The following ZNFX1 variants were observed in gnomAD, a reference collection of about 807,000 sequenced individuals.
The protein encoded by ZNFX1 is zinc finger NFX1-type containing 1.
A neutral mutation model predicts 179.8 loss-of-function variants in ZNFX1; 78 were observed. That is an observed-to-expected ratio of 0.43 (90% CI 0.36 to 0.52). ZNFX1 has a LOEUF of 0.52. ZNFX1 is among the 20% of genes least tolerant of loss of function. The pLI, the probability that ZNFX1 is intolerant of heterozygous loss-of-function variation, is 0.00. For synonymous variants in ZNFX1, 848 were observed against 868.5 expected (o/e 0.98, Z 0.42); for missense variants, 1,927 against 2,386.6 (o/e 0.81, Z 4.01).
In ZNFX1 at chr20:49,260,643, C is replaced by T. The variant is rs559304043; in HGVS notation, c.2302-66G>A. The T allele has an allele frequency of 1.1e-4, 138 of 1,200,862 alleles. No homozygotes were observed. In the African/African-American group the frequency reaches 2.1e-3, roughly 18 times the overall value. The allele number at this position is 1,200,862 out of a possible 1,614,324, so 74.4% of individuals were successfully genotyped here. A position where few individuals can be genotyped will look rare whatever the true frequency, so the allele number is the denominator to read the frequency against. On this transcript the variant is annotated intron_variant, in intron 6 of 13. Coordinates refer to ENST00000396105, the MANE Select transcript of ZNFX1 (RefSeq NM_021035.3). The stretch of plus-strand genomic sequence containing the variant: ...AACCAATGTGAAGGCTGGGTCTCCT[C>T]AAAGAATCAAAAGCAGATTGGGGCA...
rs758777344 is a variant in ZNFX1 at position 49,253,674 on chromosome 20, G to A, written c.3097C>T (p.His1033Tyr). 1 of 1,614,078 alleles carries A rather than the reference G, an allele frequency of 6.2e-7. No homozygotes were observed. Among genetic ancestry groups the A allele is most frequent in the Non-Finnish European group, 8.5e-7 (1 of 1,180,024 alleles). Residue 1033 changes from histidine to tyrosine, a missense_variant, in exon 11 of 14, where the codon CAC becomes TAC. Physicochemically the swap from His to Tyr is moderately conservative, Grantham distance 83. Transcript: ENST00000396105. The part of the protein sequence containing the change: ...ACQHLILIGD[H>Y]QQLRPSANVY... ...GGGGACTCTCGTTTTACCTGCTGGT[G>A]GTCCCCAATCAAAATGAGGTGCTGG...
intron 8 of ZNFX1, 48 bp downstream of exon 8, chr20:49,257,369 C>A (rs183545529): frequency 1.9e-6 from 3 of 1,602,008 alleles, no homozygotes; most frequent in African/African-American, 2.7e-5. Context: ...GGAAAACAAG[C>A]GGTCAGAACA....
Position 49,270,529 on chromosome 20 carries a change from T to C in ZNFX1, c.1283A>G (p.Tyr428Cys). The C allele has an allele frequency of 6.2e-7, 1 of 1,614,266 alleles. No homozygotes were observed. The highest frequency in any genetic ancestry group is 8.5e-7 in the Non-Finnish European group (1 of 1,180,048). ...TGGTTTTGTGTCAAACTGCACCTTG[T>C]AGACTATGCCTGATGATGAACACAT... is the stretch of plus-strand genomic sequence containing the variant. Reference protein sequence around the residue: ...TPMCSSSGIVYKVQFDTKPLK... With the variant: ...TPMCSSSGIVCKVQFDTKPLK... Residue 428 changes from tyrosine to cysteine, a missense_variant, in exon 3 of 14, where the codon TAC (tyrosine) becomes TGC (cysteine). Tyr to Cys is a radical substitution (Grantham distance 194, BLOSUM62 -2). Transcript: ENST00000396105. The surrounding 1 kb of genome is among the most constrained non-coding windows in gnomAD (Gnocchi z 4.6).
intron 12 of ZNFX1, 38 bp from the exon 13 acceptor site, chr20:49,251,660 G>A (rs771220773): frequency 6.5e-7 from 1 of 1,531,782 alleles, no homozygotes; most frequent in Non-Finnish European, 8.9e-7. Context: ...AACATGGGCA[G>A]AGCACACACG....
chr20:49,247,303 G>T lies in ZNFX1; in HGVS notation c.5721C>A (p.Asn1907Lys). ...QHAAWSDTAN[N>K]LMNFEEIQGM... ...CCTGGATCTCCTCAAAGTTCATCAG[G>T]TTGTTGGCCGTGTCAGACCAGGCAG... is the stretch of plus-strand genomic sequence containing the variant. Residue 1907 changes from asparagine to lysine, a missense_variant, in exon 14 of 14, where the codon AAC (asparagine) becomes AAA (lysine). Asn to Lys is a moderately conservative substitution (Grantham distance 94). Transcript: ENST00000396105. 6.2e-7 allele frequency: 1 copy of T among 1,613,202 alleles called. No homozygotes were observed. The highest frequency in any genetic ancestry group is 8.5e-7 in the Non-Finnish European group (1 of 1,179,416).
At chr20:49,258,757 G>C (rs1005727683) in intron 7 of ZNFX1, among the ~76,000 whole-genome samples, 20 of 151,820 alleles carry the variant, frequency 1.3e-4, no homozygotes, top group Non-Finnish European at 1.5e-5. Context: ...AGTGAGCCGA[G>C]ATCGTGCCAT....
rs1300895737 is a variant in ZNFX1 at position 49,247,004 on chromosome 20, G to A, written c.*263C>T. 2 of 447,608 alleles carry A rather than the reference G, an allele frequency of 4.5e-6. No individual in the cohort carries two copies. Among genetic ancestry groups the A allele is most frequent in the African/African-American group, 4.0e-5 (2 of 49,794 alleles). 27.7% of individuals were successfully genotyped at this position (447,608 alleles called of 1,614,324 possible). Reference sequence around the variant, plus strand: ...CTGCCTCAGCCTCCCAAGTAGCTGGGATTACAGGCGCCCGCCATAACGCCC... The same window carrying A: ...CTGCCTCAGCCTCCCAAGTAGCTGGAATTACAGGCGCCCGCCATAACGCCC... On this transcript the variant is annotated 3_prime_UTR_variant, in exon 14 of 14. Coordinates refer to ENST00000396105, the MANE Select transcript of ZNFX1 (RefSeq NM_021035.3).
Position 49,249,253 on chromosome 20 carries a change from G to T in ZNFX1, c.3771C>A (p.Gly1257=), listed in dbSNP as rs761760974. Residue 1257 remains glycine, a synonymous_variant, in exon 14 of 14, where the codon GGC becomes GGA. Transcript: ENST00000396105. ...TCTGGCAGCAGAGCCGGAGCATGGG[G>T]CCTATTTGATTGTTCTCTCGAAGTG... ...IHTLRENNQI[G]PMLRLCCQNH... is the part of the protein sequence containing the mutation. 15 of 1,614,110 alleles carry T rather than the reference G, an allele frequency of 9.3e-6. No homozygotes were observed. In the East Asian group the frequency reaches 3.3e-4, roughly 36 times the overall value.
intron 7 of ZNFX1, among the ~76,000 whole-genome samples, chr20:49,259,753 T>C (rs909683614): frequency 1.3e-5 from 2 of 152,204 alleles, no homozygotes; most frequent in African/African-American, 2.4e-5. Context: ...ATTCAGCATG[T>C]TTTTGAGATT....
chr20:49,268,229 A>G, intron 3 of ZNFX1, among the ~76,000 whole-genome samples: 1 of 152,162 alleles, frequency 6.6e-6, no homozygotes, highest in Non-Finnish European at 1.5e-5. Flanking sequence ...TGAGGATGCA[A>G]TTAGTTAAGG....
intron 3 of ZNFX1, among the ~76,000 whole-genome samples, chr20:49,267,823 T>G: frequency 6.6e-6 from 1 of 152,144 alleles, no homozygotes; most frequent in East Asian, 1.9e-4. Flanking sequence ...TTCCCACCTC[T>G]TAAGAGGTTA....
At position 49,270,917 on chromosome 20, in the gene ZNFX1, G is replaced by C. The variant is rs369481150; in HGVS notation, c.895C>G (p.Gln299Glu). ...TCCTGCAGATGTTCAATGATAGTCT[G>C]TACCTTTTCCAGGTTCTTCTCCGTT... ...EETEKNLEKV[Q>E]TIIEHLQEKR... The change falls in exon 3 of 14, where the codon CAG becomes GAG. Residue 299 changes from glutamine to glutamate, a missense_variant. Coordinates refer to ENST00000396105, the MANE Select transcript of ZNFX1 (RefSeq NM_021035.3). This position sits in a 1 kb window ranked among gnomAD's most constrained non-coding sequence, Gnocchi z 4.6. The C allele has an allele frequency of 6.2e-6, 10 of 1,614,006 alleles. No homozygotes were observed. In the African/African-American group the frequency reaches 6.7e-5, roughly 11 times the overall value.
In ZNFX1 at chr20:49,250,084, G is replaced by A. The variant is rs546838260; in HGVS notation, c.3313-373C>T. Reference sequence around the variant, plus strand: ...AGCCTGGCCCACATGGTGAAACCCCGTCTCTACTAAAAATACAAAAATTAG... The same window carrying A: ...AGCCTGGCCCACATGGTGAAACCCCATCTCTACTAAAAATACAAAAATTAG... On this transcript the variant is annotated intron_variant, in intron 13 of 13. Transcript: ENST00000396105. Among the ~76,000 whole-genome samples the A allele has an allele frequency of 1.4e-4, 22 of 152,182 alleles. No individual in the cohort carries two copies. In the South Asian group the frequency reaches 3.3e-3, roughly 23 times the overall value.
In ZNFX1 at chr20:49,272,569, T is replaced by C. The variant is rs370314837; in HGVS notation, c.62-819A>G. 1.2e-4 allele frequency among the ~76,000 whole-genome samples: 18 copies of C among 152,348 alleles called. 1 individual carries two copies. The highest frequency in any genetic ancestry group is 9.6e-4 in the East Asian group (5 of 5,182). On this transcript the variant is annotated intron_variant, in intron 2 of 13. Coordinates refer to ENST00000396105, the MANE Select transcript of ZNFX1 (RefSeq NM_021035.3). ...ACTCTCAATAAATGTTAGTTATTAC[T>C]AGTAGCAATAATTGGGAATATCCTA... is the stretch of plus-strand genomic sequence containing the variant.
chr20:49,254,764 A>C, intron 9 of ZNFX1, 115 bp from the exon 10 acceptor site: 1 of 1,166,528 alleles, frequency 8.6e-7, no homozygotes, highest in East Asian at 2.4e-5. Flanking sequence ...GAGCATAGTG[A>C]CAAACAGAGA....
intron 11 of ZNFX1, among the ~76,000 whole-genome samples, 185 bp from the exon 12 acceptor site, chr20:49,253,015 A>AT (rs1980882664): frequency 6.6e-6 from 1 of 152,132 alleles, no homozygotes; most frequent in African/African-American, 2.4e-5. Context: ...ACTAAAGGTG[A>AT]TATGACAGAG....
chr20:49,263,470 A>G lies in ZNFX1; in HGVS notation c.2165T>C (p.Met722Thr), dbSNP rs1480801147. 6.3e-7 allele frequency: 1 copy of G among 1,585,522 alleles called. No homozygotes were observed. Residue 722 changes from methionine (M) to threonine (T), a missense_variant, in exon 6 of 14, where the codon ATG (methionine) becomes ACG (threonine). Met to Thr is a moderately conservative substitution (Grantham distance 81). Transcript: ENST00000396105. ...ATGAAGCTCTTGCTCTGACTCCTTC[A>G]TCTGTGTCATGATCTTCCAAGAACA... The part of the protein sequence containing the change: ...RRAYMSIMTQ[M>T]KESEQELHEG...
intron 2 of ZNFX1, among the ~76,000 whole-genome samples, chr20:49,273,704 C>T (rs981807756): frequency 3.9e-5 from 6 of 151,992 alleles, no homozygotes; most frequent in Non-Finnish European, 7.4e-5. Context: ...CTAAGGCAGG[C>T]AGATCGCTTG....
intron 9 of ZNFX1, 128 bp from the exon 10 acceptor site, chr20:49,254,777 T>G (rs959900499): frequency 1.4e-5 from 15 of 1,068,614 alleles, no homozygotes; most frequent in Non-Finnish European, 1.9e-5. Flanking sequence ...AACAGAGAGA[T>G]ACATTCAGGG....
Sources: allele counts gnomAD v4.1 joint callset (sites outside exome capture counted in the v4.1 genomes callset), GRCh38; gene constraint gnomAD v4.1.1; non-coding constraint Gnocchi (gnomAD v3.1); transcripts MANE v1.5; gene names NCBI Gene and HGNC (gene_info 2026-07-23, HGNC 2026-07-21).